SLC5A10: variants seen among roughly 807,000 people sequenced by gnomAD.
SLC5A10 encodes the protein solute carrier family 5 member 10.
In SLC5A10, 55 loss-of-function variants were observed where a neutral mutation model predicts 68.9. That is an observed-to-expected ratio of 0.80 (90% confidence interval 0.64 to 1.00). The LOEUF is 1.00. Ranked by LOEUF, SLC5A10 falls within the 50% of genes least tolerant of loss-of-function variation. The probability of loss-of-function intolerance (pLI) is 0.00; values close to 1 mark genes in which losing one functional copy is unlikely to be tolerated. For missense variants in SLC5A10, 732 were observed against 819.3 expected (o/e 0.89, Z 1.30); for synonymous variants, 344 against 344.8 (o/e 1.00, Z 0.02).
Position 19,019,396 on chromosome 17 carries a change from C to T in SLC5A10, c.1242-27C>T, listed in dbSNP as rs149185786. On this transcript the variant is annotated intron_variant, in intron 11 of 14. Transcript: ENST00000395645. ...GAGCTGAAGAGCCTCCCACGACGAC[C>T]GCTGCCTGCCTTCCACTCGCCTGCA... The T allele has an allele frequency of 5.6e-5, 89 of 1,596,956 alleles. No homozygotes were observed. The South Asian group carries it at 8.2e-4, about 15-fold the overall frequency.
intron 9 of SLC5A10, among the ~76,000 whole-genome samples, chr17:18,997,149 T>C (rs1235757999): frequency 1.3e-5 from 2 of 152,244 alleles, no homozygotes; most frequent in Non-Finnish European, 2.9e-5. Flanking sequence ...TGCAGTGGGT[T>C]GGGGTCAAGA....
chr17:18,973,488 C>T (rs1360040406), intron 8 of SLC5A10, among the ~76,000 whole-genome samples: 1 of 152,226 alleles, frequency 6.6e-6, no homozygotes, highest in African/African-American at 2.4e-5. Flanking sequence ...TGGGCTGGGT[C>T]TGCCTGGTGG....
upstream of SLC5A10, chr17:18,951,896 C>T (rs1372431848): frequency 8.5e-6 from 3 of 351,528 alleles, no homozygotes; most frequent in African/African-American, 4.2e-5. Context: ...GGGCTGCCTC[C>T]GGGTCCACTA....
intron 4 of SLC5A10, 73 bp from the exon 5 acceptor site, chr17:18,960,475 T>A: frequency 7.5e-7 from 1 of 1,333,638 alleles, no homozygotes; most frequent in Non-Finnish European, 1.1e-6. Context: ...GGCAGAGTGA[T>A]TGAGACAGGC....
chr17:18,960,801 G>A, intron 5 of SLC5A10, 149 bp downstream of exon 5: 1 of 784,046 alleles, frequency 1.3e-6, no homozygotes, highest in Non-Finnish European at 2.1e-6. Flanking sequence ...GACTTGCCCA[G>A]GGTCACGCAG....
At chr17:19,015,767 A>T (rs541531055) in intron 11 of SLC5A10, among the ~76,000 whole-genome samples, 85 of 151,864 alleles carry the variant, frequency 5.6e-4, no homozygotes, top group African/African-American at 2.1e-3. Flanking sequence ...TCCCCTTCAT[A>T]CCCCAGGGAC....
intron 9 of SLC5A10, chr17:18,977,823 C>T: frequency 6.2e-7 from 1 of 1,608,762 alleles, no homozygotes; most frequent in African/African-American, 1.3e-5. Flanking sequence ...TCCTCTGACA[C>T]AGAGGAAGCC....
At chr17:18,993,361 G>A (rs564856038) in intron 9 of SLC5A10, among the ~76,000 whole-genome samples, 27 of 152,312 alleles carry the variant, frequency 1.8e-4, no homozygotes, top group African/African-American at 6.3e-4. Flanking sequence ...TGGGTTGAGC[G>A]TGTATCACTT....
intron 2 of SLC5A10, 90 bp downstream of exon 2, chr17:18,958,843 C>T: frequency 7.0e-7 from 1 of 1,437,788 alleles, no homozygotes; most frequent in Admixed American, 1.7e-5. Flanking sequence ...ATCTTTGAGC[C>T]AGTCCAATTC....
intron 1 of SLC5A10, among the ~76,000 whole-genome samples, chr17:18,956,228 T>C (rs2042497470): frequency 7.3e-6 from 1 of 137,470 alleles, no homozygotes; most frequent in South Asian, 2.1e-4. Flanking sequence ...AATAAATAAA[T>C]AAATAAATAA....
intron 9 of SLC5A10, among the ~76,000 whole-genome samples, chr17:18,981,281 A>G (rs2043125871): frequency 6.6e-6 from 1 of 151,524 alleles, no homozygotes; most frequent in Admixed American, 6.6e-5. Context: ...GGACTCAAAG[A>G]CCAGGCATGA....
chr17:18,961,407 G>C (rs1465960530), intron 5 of SLC5A10, among the ~76,000 whole-genome samples: 2 of 152,150 alleles, frequency 1.3e-5, no homozygotes, highest in Non-Finnish European at 2.9e-5. Context: ...TGCGACCTCC[G>C]AGCCTCCCTG....
Position 19,013,374 on chromosome 17 carries a change from A to G in SLC5A10, c.983-36A>G, listed in dbSNP as rs1376820567. ...TTGCCCACCCCAGGTGCTCATGTCT[A>G]TGAGGAGAGACACCAAGTGTCCGTC... is the stretch of plus-strand genomic sequence containing the variant. On this transcript the variant is annotated intron_variant, in intron 9 of 14. Coordinates refer to ENST00000395645, the MANE Select transcript of SLC5A10 (RefSeq NM_001042450.4). The G allele has an allele frequency of 3.1e-6, 5 of 1,602,184 alleles. No homozygotes were observed. In the African/African-American group the frequency reaches 4.1e-5, roughly 13 times the overall value.
Position 19,022,184 on chromosome 17 carries a change from G to A in SLC5A10, c.*1753G>A. On this transcript the variant is annotated 3_prime_UTR_variant, in exon 15 of 15. Coordinates refer to ENST00000395645, the MANE Select transcript of SLC5A10 (RefSeq NM_001042450.4). ...GGTGGTTAGTAGGGTGCCTTCAGAA[G>A]CCCTGCAACCCACCCTCCCTCAGAG... 1.6e-6 allele frequency: 2 copies of A among 1,218,238 alleles called. No individual in the cohort carries two copies. The highest frequency in any genetic ancestry group is 2.2e-6 in the Non-Finnish European group (2 of 908,032). 75.5% of individuals were successfully genotyped at this position (1,218,238 alleles called of 1,614,324 possible).
At chr17:18,981,064 C>T (rs2043119499) in intron 9 of SLC5A10, among the ~76,000 whole-genome samples, 1 of 152,212 alleles carries the variant, frequency 6.6e-6, no homozygotes, top group African/African-American at 2.4e-5. Context: ...ACATAGTCAT[C>T]AACCCCTGCC....
At chr17:18,953,398 C>T (rs2042415769) in intron 1 of SLC5A10, among the ~76,000 whole-genome samples, 1 of 152,104 alleles carries the variant, frequency 6.6e-6, no homozygotes, top group South Asian at 2.1e-4. Context: ...TCCCAAAGTG[C>T]TAGAATTACA....
chr17:19,010,222 G>A lies in SLC5A10; in HGVS notation c.983-3188G>A, dbSNP rs539067353. ...AGTGGATTAGGAGGCACAGCAAGGA[G>A]GTAGTGCAGTTCGCCTAATAATCAA... On this transcript the variant is annotated intron_variant, in intron 9 of 14. Coordinates refer to ENST00000395645, the MANE Select transcript of SLC5A10 (RefSeq NM_001042450.4). Among the ~76,000 whole-genome samples the A allele has an allele frequency of 2.8e-4, 42 of 152,310 alleles. 2 individuals are homozygous for A. In the South Asian group the frequency reaches 8.7e-3, roughly 32 times the overall value.
intron 5 of SLC5A10, among the ~76,000 whole-genome samples, chr17:18,964,150 A>G (rs2042666744): frequency 1.3e-5 from 2 of 150,956 alleles, no homozygotes; most frequent in Non-Finnish European, 3.0e-5. Flanking sequence ...CTCTACCCCC[A>G]TGGACTCGGA....
chr17:18,971,671 G>C lies in SLC5A10; in HGVS notation c.846+453G>C, dbSNP rs1830175065. On this transcript the variant is annotated intron_variant, in intron 8 of 14. Transcript: ENST00000395645. This position sits in a 1 kb window ranked among gnomAD's most constrained non-coding sequence, Gnocchi z 5.5. ...TCTGGACGCTGTCAGCAGCAGAGCG[G>C]TACCTAGGGGGTCCTGGGAAGCCGT... 6.2e-7 allele frequency: 1 copy of C among 1,611,632 alleles called. No homozygotes were observed. Among genetic ancestry groups the C allele is most frequent in the Non-Finnish European group, 8.5e-7 (1 of 1,178,748 alleles).
Sources: gnomAD v4.1 joint callset for allele counts (sites outside exome capture counted in the v4.1 genomes callset) on GRCh38, gnomAD v4.1.1 for gene constraint, Gnocchi (gnomAD v3.1) non-coding constraint, MANE v1.5 for transcripts, NCBI Gene and HGNC (gene_info 2026-07-23, HGNC 2026-07-21) for gene names.